SH2D3C: variants seen among roughly 807,000 people sequenced by gnomAD.
The protein encoded by SH2D3C is SH2 domain-containing protein 3C.
A neutral mutation model predicts 75.2 loss-of-function variants in SH2D3C; 25 were observed. The ratio of observed to expected loss-of-function variants is 0.33; its 90% confidence interval spans 0.24 to 0.46. SH2D3C has a LOEUF of 0.46. Ranked by LOEUF, SH2D3C falls within the 20% of genes least tolerant of loss-of-function variation. The pLI is 1.00. For missense variants in SH2D3C, 933 were observed against 1,165.3 expected (o/e 0.80, Z 2.90); for synonymous variants, 450 against 473.7 (o/e 0.95, Z 0.65).
At chr9:127,744,347 G>C (rs950437401) in intron 7 of SH2D3C, among the ~76,000 whole-genome samples, 3 of 152,110 alleles carry the variant, frequency 2.0e-5, no homozygotes, top group African/African-American at 7.2e-5. Flanking sequence ...CTGGGATTCA[G>C]GTGTGAGCTA....
intron 3 of SH2D3C, among the ~76,000 whole-genome samples, chr9:127,760,790 A>T (rs1348289189): frequency 6.6e-6 from 1 of 152,106 alleles, no homozygotes; most frequent in Admixed American, 6.6e-5. Flanking sequence ...CGGGGTCTGC[A>T]CACAGTAGGC....
intron 3 of SH2D3C, among the ~76,000 whole-genome samples, chr9:127,760,487 T>C (rs1471763133): frequency 6.6e-6 from 1 of 152,094 alleles, no homozygotes; most frequent in South Asian, 2.1e-4. Flanking sequence ...GAAAAATACC[T>C]AATGTAGATC....
chr9:127,763,505 C>T (rs1325259615), intron 2 of SH2D3C, among the ~76,000 whole-genome samples: 1 of 152,022 alleles, frequency 6.6e-6, no homozygotes, highest in Admixed American at 6.6e-5. Context: ...ATCACTTGAA[C>T]CCAAGAAGAA....
At chr9:127,766,758 T>TG (rs1376702492) in intron 2 of SH2D3C, 1 of 621,484 alleles carries the variant, frequency 1.6e-6, no homozygotes, top group East Asian at 2.8e-5. Context: ...TTAGTAGAGA[T>TG]GGGGTTTCAC....
At chr9:127,744,228 G>A (rs1337327528) in intron 7 of SH2D3C, among the ~76,000 whole-genome samples, 5 of 151,826 alleles carry the variant, frequency 3.3e-5, no homozygotes, top group South Asian at 2.1e-4. Context: ...CCACCACGAC[G>A]CCTAGCTAAT....
chr9:127,746,277 G>C (rs1464842221), intron 6 of SH2D3C, among the ~76,000 whole-genome samples: 2 of 152,196 alleles, frequency 1.3e-5, no homozygotes. Context: ...TCAATGGAAT[G>C]CCACCCTAGG....
intron 9 of SH2D3C, among the ~76,000 whole-genome samples, chr9:127,741,240 TC>T (rs1844845355): frequency 6.7e-6 from 1 of 148,198 alleles, no homozygotes; most frequent in East Asian, 2.0e-4. Flanking sequence ...TTCTTCTTAT[TC>T]TTTTTTTTTT....
intron 3 of SH2D3C, among the ~76,000 whole-genome samples, chr9:127,753,551 C>T (rs567446235): frequency 6.6e-6 from 1 of 152,276 alleles, no homozygotes; most frequent in East Asian, 1.9e-4. Flanking sequence ...GAAACCGATG[C>T]CCCCGAAGGG....
intron 3 of SH2D3C, among the ~76,000 whole-genome samples, chr9:127,757,626 TGA>T (rs879642892): frequency 0.045 from 5,677 of 125,300 alleles, 128 homozygotes; most frequent in East Asian, 0.065. Flanking sequence ...ATGATGATGA[TGA>T]TGATGATGAT....
rs757096843 is a variant in SH2D3C, at chr9:127,774,104, G to T, written c.401C>A (p.Thr134Asn). 3.1e-6 allele frequency: 5 copies of T among 1,614,112 alleles called. No homozygotes were observed. Among genetic ancestry groups the T allele is most frequent in the Non-Finnish European group, 4.2e-6 (5 of 1,180,004 alleles). ...TGAAGGGTTGGGTTCCATTGCTGGG[G>T]TGTCCTCTAGAGGGCCAGTGGCCTT... is the stretch of plus-strand genomic sequence containing the variant. ...MVKATGPLED[T>N]PAMEPNPSAV... The change falls in exon 2 of 12, where the codon ACC (threonine) becomes AAC (asparagine). Residue 134 changes from threonine to asparagine, a missense_variant. Transcript: ENST00000314830. This position sits in a 1 kb window ranked among gnomAD's most constrained non-coding sequence, Gnocchi z 4.3.
chr9:127,742,913 G>A lies in SH2D3C; in HGVS notation c.1852C>T (p.Arg618Cys), dbSNP rs536814228. Residue 618 changes from arginine (R) to cysteine (C), a missense_variant, in exon 8 of 12, where the codon CGC (arginine) becomes TGC (cysteine). Coordinates refer to ENST00000314830, the MANE Select transcript of SH2D3C (RefSeq NM_170600.3). ...AGGGTGAGCAGTTCCATGCCCCAGC[G>A]GACTCCCATTAGGGTCTGCATCTCC... The part of the protein sequence containing the change: ...TKEMQTLMGV[R>C]WGMELLTLPH... 3.0e-5 allele frequency: 48 copies of A among 1,614,020 alleles called. No homozygotes were observed. Among genetic ancestry groups the A allele is most frequent in the African/African-American group, 4.0e-5 (3 of 75,054 alleles).
At position 127,740,265 on chromosome 9, in the gene SH2D3C, C is replaced by T. The variant is rs2233514; in HGVS notation, c.2193G>A (p.Glu731=). 5.6e-4 allele frequency: 908 copies of T among 1,613,848 alleles called. 12 individuals are homozygous for T. The East Asian group carries it at 0.018, about 33-fold the overall frequency. Residue 731 remains glutamate (E), a synonymous_variant, in exon 10 of 12, where the codon GAG becomes GAA. Coordinates refer to ENST00000314830, the MANE Select transcript of SH2D3C (RefSeq NM_170600.3). ...CACGCAACAAGGAAGTACCTTTGCC[C>T]TCGTTGAGGCTCTTGAGAAAAGGCT... ...KLKPFLKSLN[E]GKEGPPLSNT...
chr9:127,771,303 G>A (rs1588525359), intron 2 of SH2D3C: 1 of 1,489,340 alleles, frequency 6.7e-7, no homozygotes. Context: ...TCGGGCCACT[G>A]AGCTGCAGAG....
chr9:127,747,258 G>T lies in SH2D3C; in HGVS notation c.1153C>A (p.Arg385Ser). 6.2e-7 allele frequency: 1 copy of T among 1,613,046 alleles called. No individual in the cohort carries two copies. Among genetic ancestry groups the T allele is most frequent in the Non-Finnish European group, 8.5e-7 (1 of 1,179,962 alleles). Residue 385 changes from arginine to serine, a missense_variant, in exon 6 of 12, where the codon CGC becomes AGC. Transcript: ENST00000314830. ...CAGCTGCGGATGGAGTCCCGAGGGC[G>T]GGGCAGCGACGTACTGTGGAGCAGA... ...DGCPTSTSLP[R>S]PRDSIRSCAL...
intron 1 of SH2D3C, among the ~76,000 whole-genome samples, chr9:127,778,282 C>T (rs896143197): frequency 6.8e-6 from 1 of 147,654 alleles, no homozygotes; most frequent in African/African-American, 2.6e-5. Context: ...GCCACCACTG[C>T]ACCTGGCCAA....
Position 127,761,631 on chromosome 9 carries a change from C to T in SH2D3C, c.535G>A (p.Ala179Thr), listed in dbSNP as rs565646089. ...CCTACCTTCACATAGTCGCTGCCAG[C>T]CTCTGGCTCTCCAGCAGCCCTGGAA... ...HSERAAGEPE[A>T]GSDYVKFSKE... The change falls in exon 3 of 12, where the codon GCT becomes ACT. Residue 179 changes from alanine (A) to threonine (T), a missense_variant. Coordinates refer to ENST00000314830, the MANE Select transcript of SH2D3C (RefSeq NM_170600.3). 4.3e-6 allele frequency: 7 copies of T among 1,612,472 alleles called. No homozygotes were observed. The South Asian group carries it at 6.6e-5, about 15-fold the overall frequency.
chr9:127,747,056 A>T (rs1845050868), intron 6 of SH2D3C, 91 bp downstream of exon 6: 2 of 1,367,580 alleles, frequency 1.5e-6, no homozygotes, highest in Non-Finnish European at 2.0e-6. Flanking sequence ...GCCTCATAAA[A>T]GAGGCGGAAA....
rs1372348878 is a variant in SH2D3C, at chr9:127,774,176, C to T, written c.329G>A (p.Gly110Asp). 1.9e-6 allele frequency: 3 copies of T among 1,613,880 alleles called. No homozygotes were observed. The highest frequency in any genetic ancestry group is 8.5e-7 in the Non-Finnish European group (1 of 1,179,982). Residue 110 changes from glycine to aspartate, a missense_variant, in exon 2 of 12, where the codon GGT becomes GAT. Coordinates refer to ENST00000314830, the MANE Select transcript of SH2D3C (RefSeq NM_170600.3). The surrounding 1 kb of genome is among the most constrained non-coding windows in gnomAD (Gnocchi z 4.3). Reference sequence around the variant, plus strand: ...CTCCAAGCCTGGGGGGTCGGGTACACCTCCGGGTACCAAGTTGGGCTTGGG... The same window carrying T: ...CTCCAAGCCTGGGGGGTCGGGTACATCTCCGGGTACCAAGTTGGGCTTGGG... ...AGPKPNLVPGGVPDPPGLEAA... is the reference protein window; with the variant it reads ...AGPKPNLVPGDVPDPPGLEAA...
At chr9:127,767,314 A>G (rs1161361385) in intron 2 of SH2D3C, 23 of 1,433,158 alleles carry the variant, frequency 1.6e-5, no homozygotes, top group Non-Finnish European at 1.9e-5. Flanking sequence ...ACTGAGTGCT[A>G]GTGGATGAGG....
Sources: gnomAD v4.1 joint callset for allele counts (sites outside exome capture counted in the v4.1 genomes callset) on GRCh38, gnomAD v4.1.1 for gene constraint, Gnocchi (gnomAD v3.1) non-coding constraint, MANE v1.5 for transcripts, NCBI Gene and HGNC (gene_info 2026-07-23, HGNC 2026-07-21) for gene names.